The following EIF4E2 variants were observed in gnomAD, a reference collection of about 807,000 sequenced individuals.
The protein encoded by EIF4E2 is eukaryotic translation initiation factor 4E family member 2.
Under a neutral mutation model 34.2 loss-of-function variants are expected in EIF4E2, and 13 were observed. The observed-to-expected ratio is 0.38, with a 90% confidence interval of 0.25 to 0.60. EIF4E2 has a LOEUF of 0.60. EIF4E2 is among the 20% of genes least tolerant of loss of function. EIF4E2 has a pLI of 0.62. For missense variants in EIF4E2, 222 were observed against 315.1 expected (o/e 0.70, Z 2.24); for synonymous variants, 100 against 106.6 (o/e 0.94, Z 0.38).
chr2:232,583,274 T>C (rs1293307273), exon 7 of EIF4E2: 2 of 116,676 alleles, frequency 1.7e-5, no homozygotes, highest in African/African-American at 6.5e-5. Context: ...GGAGAGTCGG[T>C]CTCCACTTTG....
intron 6 of EIF4E2, chr2:232,574,275 GT>G (rs1207328029): frequency 6.4e-7 from 1 of 1,550,570 alleles, no homozygotes; most frequent in Non-Finnish European, 8.7e-7. Flanking sequence ...CCTGGGAGGA[GT>G]TTCATGGCCT....
chr2:232,568,437 C>T (rs1245349141), intron 6 of EIF4E2: 7 of 985,268 alleles, frequency 7.1e-6, no homozygotes, highest in Non-Finnish European at 8.4e-6. Flanking sequence ...CCTGTGTTAG[C>T]ATTGCTTTAC....
chr2:232,565,732 T>A (rs531557502), intron 4 of EIF4E2, among the ~76,000 whole-genome samples: 1 of 152,366 alleles, frequency 6.6e-6, no homozygotes, highest in Admixed American at 6.5e-5. Context: ...GCAGCACTTA[T>A]AATTATAGTA....
At chr2:232,557,855 A>G in intron 2 of EIF4E2, 29 bp from the exon 3 acceptor site, 1 of 1,608,636 alleles carries the variant, frequency 6.2e-7, no homozygotes, top group Non-Finnish European at 8.5e-7. Context: ...ACAAATGCCC[A>G]GGACTAACAC....
At chr2:232,560,851 C>G (rs1692698618) in intron 3 of EIF4E2, among the ~76,000 whole-genome samples, 1 of 152,306 alleles carries the variant, frequency 6.6e-6, no homozygotes, top group South Asian at 2.1e-4. Context: ...ATCTTAGAAT[C>G]AGCAAACTTA....
chr2:232,561,449 C>T (rs985551394), intron 3 of EIF4E2, among the ~76,000 whole-genome samples: 1 of 152,140 alleles, frequency 6.6e-6, no homozygotes, highest in Non-Finnish European at 1.5e-5. Flanking sequence ...TTCATCCATG[C>T]TCACTGGATG....
chr2:232,556,267 C>G (rs1383932791), intron 1 of EIF4E2, 149 bp from the exon 2 acceptor site: 1 of 612,248 alleles, frequency 1.6e-6, no homozygotes, highest in Non-Finnish European at 2.9e-6. Flanking sequence ...ATTTGCCTGT[C>G]TGTGTTATTT....
At chr2:232,574,215 GC>G in intron 6 of EIF4E2, 1 of 1,534,986 alleles carries the variant, frequency 6.5e-7, no homozygotes, top group Non-Finnish European at 8.8e-7. Context: ...GTGTTCAAAA[GC>G]TTTTGATCTG....
chr2:232,564,806 G>T (rs531822185), intron 4 of EIF4E2, among the ~76,000 whole-genome samples: 1 of 152,294 alleles, frequency 6.6e-6, no homozygotes, highest in Admixed American at 6.5e-5. Flanking sequence ...TATATCCTTG[G>T]AACCCGAGCC....
chr2:232,557,900 C>G lies in EIF4E2; in HGVS notation c.152C>G (p.Pro51Arg), dbSNP rs148255880. 3.7e-6 allele frequency: 6 copies of G among 1,613,514 alleles called. No individual in the cohort carries two copies. The highest frequency in any genetic ancestry group is 2.2e-5 in the East Asian group (1 of 44,876). The change falls in exon 3 of 7, where the codon CCG becomes CGG. Residue 51 changes from proline (P) to arginine (R), a missense_variant. By Grantham distance (103) the Pro-to-Arg change is moderately radical (BLOSUM62 -2). Coordinates refer to ENST00000258416, the MANE Select transcript of EIF4E2 (RefSeq NM_004846.4). ...ACTTCCCAGGCTGTTGTCCCTGGAC[C>G]GGCAGAGCATCCCCTGCAGTACAAC... ...SSKRKAVVPGPAEHPLQYNYT... is the reference protein window; with the variant it reads ...SSKRKAVVPGRAEHPLQYNYT...
At chr2:232,569,582 T>G (rs1693042606), downstream of EIF4E2, among the ~76,000 whole-genome samples, 1 of 152,182 alleles carries the variant, frequency 6.6e-6, no homozygotes, top group Admixed American at 6.5e-5. Flanking sequence ...CGCCTTTACT[T>G]CAAAGAAATC....
At chr2:232,563,949 G>A (rs920228779) in intron 3 of EIF4E2, among the ~76,000 whole-genome samples, 2 of 152,178 alleles carry the variant, frequency 1.3e-5, no homozygotes, top group Admixed American at 6.5e-5. Flanking sequence ...GAGTGGGAGA[G>A]TGCGTATTAA....
intron 6 of EIF4E2, among the ~76,000 whole-genome samples, chr2:232,577,102 A>C (rs1194285023): frequency 1.3e-5 from 2 of 152,252 alleles, no homozygotes; most frequent in African/African-American, 4.8e-5. Context: ...GTATACACAG[A>C]GCAGTGAGTC....
At chr2:232,553,572 C>T (rs1166242023) in intron 1 of EIF4E2, among the ~76,000 whole-genome samples, 1 of 152,222 alleles carries the variant, frequency 6.6e-6, no homozygotes, top group Non-Finnish European at 1.5e-5. Flanking sequence ...TCTGGACAGT[C>T]TCAGAGTTGC....
chr2:232,574,268 G>T, intron 6 of EIF4E2: 1 of 1,550,578 alleles, frequency 6.4e-7, no homozygotes, highest in Non-Finnish European at 8.7e-7. Context: ...GCCAGGGCCT[G>T]GGAGGAGTTT....
At chr2:232,564,751 G>A (rs1692859583) in intron 4 of EIF4E2, among the ~76,000 whole-genome samples, 2 of 152,154 alleles carry the variant, frequency 1.3e-5, no homozygotes, top group African/African-American at 4.8e-5. Flanking sequence ...GTGCCCAGCT[G>A]GTTAAAAGTG....
intron 6 of EIF4E2, among the ~76,000 whole-genome samples, chr2:232,575,024 T>G (rs1356802934): frequency 6.6e-6 from 1 of 152,168 alleles, no homozygotes; most frequent in Admixed American, 6.5e-5. Flanking sequence ...CTGGGTAAAT[T>G]TATTCTGAAT....
In EIF4E2 at chr2:232,569,014, A is replaced by G. The variant is rs1174794658; in HGVS notation, c.735A>G (p.Pro245=). ...QNLWKPRLNV[P] ...TCTGGAAGCCGCGGTTGAATGTGCC[A>G]TGACCCTCTCCCTCTCTGGATGGCA... is the stretch of plus-strand genomic sequence containing the variant. Residue 245 remains proline (P), a synonymous_variant, in exon 7 of 7, where the codon CCA becomes CCG. Coordinates refer to ENST00000258416, the MANE Select transcript of EIF4E2 (RefSeq NM_004846.4). 4.3e-6 allele frequency: 7 copies of G among 1,613,994 alleles called. No homozygotes were observed. The highest frequency in any genetic ancestry group is 2.7e-5 in the African/African-American group (2 of 74,930).
intron 3 of EIF4E2, among the ~76,000 whole-genome samples, chr2:232,562,710 C>G (rs933330587): frequency 1.3e-5 from 2 of 152,192 alleles, no homozygotes; most frequent in Non-Finnish European, 2.9e-5. Flanking sequence ...CTCACCAAGC[C>G]CCTTTCAGTT....
Sources: allele counts gnomAD v4.1 joint callset (sites outside exome capture counted in the v4.1 genomes callset), GRCh38; gene constraint gnomAD v4.1.1; transcripts MANE v1.5; gene names NCBI Gene and HGNC (gene_info 2026-07-23, HGNC 2026-07-21).